The following RIMS2 variants were observed in gnomAD, a reference collection of about 807,000 sequenced individuals.
RIMS2 encodes the protein regulating synaptic membrane exocytosis protein 2.
RIMS2 carries 59 observed loss-of-function variants against 174.4 expected under a neutral mutation model. The ratio of observed to expected loss-of-function variants is 0.34; its 90% confidence interval spans 0.27 to 0.42. RIMS2 has a LOEUF of 0.42. Ranked by LOEUF, RIMS2 falls within the 10% of genes least tolerant of loss-of-function variation. The pLI is 1.00. For missense variants in RIMS2, 1,620 were observed against 1,666.3 expected (o/e 0.97, Z 0.48); for synonymous variants, 606 against 572.5 (o/e 1.06, Z -0.84).
At chr8:104,091,753 T>C (rs2097663210) in intron 19 of RIMS2, among the ~76,000 whole-genome samples, 1 of 151,446 alleles carries the variant, frequency 6.6e-6, no homozygotes, top group Non-Finnish European at 1.5e-5. Flanking sequence ...TAAGGCAAAA[T>C]GTTTGGTATT....
chr8:104,130,634 A>T (rs1485791882), intron 19 of RIMS2, among the ~76,000 whole-genome samples: 1 of 152,170 alleles, frequency 6.6e-6, no homozygotes, highest in Non-Finnish European at 1.5e-5. Context: ...TAGGCGGAAG[A>T]TAAGAGCAAA....
chr8:103,755,040 T>A (rs2097964142), intron 2 of RIMS2, among the ~76,000 whole-genome samples: 3 of 152,218 alleles, frequency 2.0e-5, no homozygotes, highest in Admixed American at 2.0e-4. Flanking sequence ...TCTTTACAAT[T>A]TGGTATGTTT....
intron 3 of RIMS2, among the ~76,000 whole-genome samples, chr8:103,882,296 C>T (rs1266701624): frequency 6.6e-6 from 1 of 151,382 alleles, no homozygotes; most frequent in African/African-American, 2.4e-5. Flanking sequence ...AAGGAATATA[C>T]TATCTATGAA....
intron 1 of RIMS2, among the ~76,000 whole-genome samples, chr8:103,673,586 G>A (rs2096772642): frequency 6.6e-6 from 1 of 152,196 alleles, no homozygotes; most frequent in African/African-American, 2.4e-5. Flanking sequence ...CCCAGCTGTA[G>A]CTGTAGCTAG....
At position 103,638,892 on chromosome 8, in the gene RIMS2, C is replaced by T. The variant is rs565774687; in HGVS notation, c.177-58194C>T. Among the ~76,000 whole-genome samples, 27 of 151,998 alleles carry T rather than the reference C, an allele frequency of 1.8e-4. No homozygotes were observed. In the South Asian group the frequency reaches 4.4e-3, roughly 25 times the overall value. On this transcript the variant is annotated intron_variant, in intron 1 of 23. Coordinates refer to ENST00000504942, the Ensembl canonical transcript of RIMS2. Reference sequence around the variant, plus strand: ...GACACACATATCTATATTTATTTCTCGACCTCTATTTATTTATTCATCTAT... The same window carrying T: ...GACACACATATCTATATTTATTTCTTGACCTCTATTTATTTATTCATCTAT...
intron 17 of RIMS2, among the ~76,000 whole-genome samples, chr8:103,991,788 A>C (rs2094716946): frequency 6.6e-6 from 1 of 152,126 alleles, no homozygotes; most frequent in African/African-American, 2.4e-5. Context: ...TTGATTTTGA[A>C]TGCAGGATTT....
At chr8:103,806,083 T>A (rs2098648327) in intron 3 of RIMS2, among the ~76,000 whole-genome samples, 1 of 152,074 alleles carries the variant, frequency 6.6e-6, no homozygotes, top group Non-Finnish European at 1.5e-5. Flanking sequence ...GTCTGGAAAG[T>A]GGTAAGACAA....
chr8:104,085,131 C>T (rs899885167), intron 19 of RIMS2, among the ~76,000 whole-genome samples: 3 of 152,124 alleles, frequency 2.0e-5, no homozygotes, highest in African/African-American at 4.8e-5. Context: ...AACAAAACAC[C>T]TGACAAAATT....
chr8:104,019,203 A>T (rs1356294125), intron 19 of RIMS2, among the ~76,000 whole-genome samples: 1 of 152,202 alleles, frequency 6.6e-6, no homozygotes, highest in Non-Finnish European at 1.5e-5. Flanking sequence ...GTCTCAAAAA[A>T]GTTAAAACAT....
rs962100952 is a variant in RIMS2 at position 103,902,128 on chromosome 8, T to G, written c.1625-8006T>G. On this transcript the variant is annotated intron_variant, in intron 4 of 23. Coordinates refer to ENST00000504942, the Ensembl canonical transcript of RIMS2. ...GTTTAATAAGATTGTTGGCAGAATT[T>G]ATTTCCTTTTGACAAGAAGCTGCCA... Among the ~76,000 whole-genome samples the G allele has an allele frequency of 4.5e-4, 68 of 152,124 alleles. 3 individuals carry two copies. Among genetic ancestry groups the G allele is most frequent in the Admixed American group, 4.5e-3 (68 of 15,258 alleles).
intron 19 of RIMS2, among the ~76,000 whole-genome samples, chr8:104,061,424 G>A (rs1254951726): frequency 6.6e-6 from 1 of 151,912 alleles, no homozygotes; most frequent in Non-Finnish European, 1.5e-5. Context: ...CGTGTATCTT[G>A]TATTTTTTAA....
intron 3 of RIMS2, among the ~76,000 whole-genome samples, chr8:103,814,300 T>C (rs1193134847): frequency 1.3e-5 from 2 of 151,470 alleles, no homozygotes; most frequent in Non-Finnish European, 2.9e-5. Context: ...TAATAAGTAC[T>C]ATGCGTGATA....
Position 103,917,867 on chromosome 8 carries a change from G to T in RIMS2, c.2037-574G>T, listed in dbSNP as rs1595112900. Among the ~76,000 whole-genome samples the T allele has an allele frequency of 2.6e-5, 4 of 152,150 alleles. No individual in the cohort carries two copies. The Middle Eastern group carries it at 0.01, about 388-fold the overall frequency. Reference sequence around the variant, plus strand: ...TCTCTGCTAAAAATACAAAAATTAGGCTGAGGCAGGAGAATTGCTTGAACC... The same window carrying T: ...TCTCTGCTAAAAATACAAAAATTAGTCTGAGGCAGGAGAATTGCTTGAACC... On this transcript the variant is annotated intron_variant, in intron 8 of 23. Coordinates refer to ENST00000504942, the Ensembl canonical transcript of RIMS2.
At chr8:103,792,778 C>T (rs1214878205) in intron 3 of RIMS2, among the ~76,000 whole-genome samples, 1 of 151,808 alleles carries the variant, frequency 6.6e-6, no homozygotes, top group Non-Finnish European at 1.5e-5. Context: ...GAAATACAAA[C>T]TACCATCAGA....
intron 19 of RIMS2, among the ~76,000 whole-genome samples, chr8:104,095,165 C>T (rs1269750377): frequency 6.6e-6 from 1 of 152,078 alleles, no homozygotes; most frequent in African/African-American, 2.4e-5. Context: ...AAAAATTGAG[C>T]TTACTTTACA....
intron 19 of RIMS2, among the ~76,000 whole-genome samples, chr8:104,016,618 A>G (rs1347268031): frequency 2.0e-5 from 3 of 152,072 alleles, no homozygotes; most frequent in Admixed American, 6.6e-5. Context: ...ACTTTTCCTA[A>G]GGAAAGTTTA....
intron 19 of RIMS2, among the ~76,000 whole-genome samples, chr8:104,130,103 A>G (rs181588207): frequency 6.6e-6 from 1 of 152,330 alleles, no homozygotes; most frequent in Admixed American, 6.5e-5. Context: ...TAGAGTTATT[A>G]AGTGCCACGT....
chr8:103,810,426 C>T (rs1352229263), intron 3 of RIMS2, among the ~76,000 whole-genome samples: 1 of 152,108 alleles, frequency 6.6e-6, no homozygotes, highest in Non-Finnish European at 1.5e-5. Context: ...GTACTTGCAG[C>T]ATATTTAATT....
chr8:103,526,877 C>T (rs1408795364), intron 1 of RIMS2, among the ~76,000 whole-genome samples: 1 of 152,060 alleles, frequency 6.6e-6, no homozygotes, highest in Non-Finnish European at 1.5e-5. Context: ...TTTTTCAATA[C>T]TGATGAAAGA....
Sources: gnomAD v4.1 joint callset for allele counts (sites outside exome capture counted in the v4.1 genomes callset) on GRCh38, gnomAD v4.1.1 for gene constraint, MANE v1.5 for transcripts, NCBI Gene and HGNC (gene_info 2026-07-23, HGNC 2026-07-21) for gene names.